The following CDKL1 variants were observed in gnomAD, a reference collection of about 807,000 sequenced individuals.
CDKL1 encodes the protein cyclin dependent kinase like 1, also known as cyclin-dependent kinase-like 1.
Under a neutral mutation model 42.0 loss-of-function variants are expected in CDKL1, and 41 were observed. The observed-to-expected ratio is 0.98, with a 90% confidence interval of 0.76 to 1.27. The LOEUF is 1.27. Ranked by LOEUF, CDKL1 falls within the 50% of genes most tolerant of loss-of-function variation. CDKL1 has a pLI of 0.00. For synonymous variants in CDKL1, 153 were observed against 158.6 expected, an observed-to-expected ratio of 0.96 and a Z score of 0.26; for missense variants, 394 against 428.4, an observed-to-expected ratio of 0.92 and a Z score of 0.71.
At chr14:50,350,200 T>C (rs2033859881) in intron 3 of CDKL1, among the ~76,000 whole-genome samples, 1 of 152,232 alleles carries the variant, frequency 6.6e-6, no homozygotes, top group African/African-American at 2.4e-5. Context: ...CATGAGCCAC[T>C]ATGCCTGGCC....
chr14:50,328,924 A>AC lies in CDKL1; in HGVS notation c.*1149_*1150insG, dbSNP rs1403309034. 2.1e-4 allele frequency: 21 copies of AC among 99,152 alleles called. No individual in the cohort carries two copies. The highest frequency in any genetic ancestry group is 8.0e-4 in the African/African-American group (21 of 26,372). The allele number at this position is 99,152 out of a possible 1,614,324, so 6.1% of individuals were successfully genotyped here. A position where few individuals can be genotyped will look rare whatever the true frequency, so the allele number is the denominator to read the frequency against. On this transcript the variant is annotated 3_prime_UTR_variant, in exon 10 of 10. Coordinates refer to ENST00000395834, the MANE Select transcript of CDKL1 (RefSeq NM_004196.7). ...GCAGGTTTTATATATATATATAAAA[A>AC]ACACATATATATATATGTGTGTGTG... is the stretch of plus-strand genomic sequence containing the variant.
chr14:50,371,489 T>C (rs1330902227), intron 2 of CDKL1, among the ~76,000 whole-genome samples: 1 of 152,258 alleles, frequency 6.6e-6, no homozygotes, highest in East Asian at 1.9e-4. Flanking sequence ...ATGTTGAGCA[T>C]TTTTCCATAT....
chr14:50,397,155 G>C (rs2035439765), upstream of CDKL1: 1 of 1,366,370 alleles, frequency 7.3e-7, no homozygotes, highest in South Asian at 1.1e-5. Context: ...TGCGGAGCAA[G>C]ACGCCTGCGC....
intron 2 of CDKL1, among the ~76,000 whole-genome samples, chr14:50,379,127 CAGGTGTG>C (rs1299704206): frequency 1.3e-5 from 2 of 152,194 alleles, no homozygotes; most frequent in Non-Finnish European, 2.9e-5. Flanking sequence ...GCTGGGATTA[CAGGTGTG>C]AGCCACAGCA....
chr14:50,383,099 T>C (rs1219690086), intron 2 of CDKL1, among the ~76,000 whole-genome samples: 8 of 152,002 alleles, frequency 5.3e-5, no homozygotes, highest in African/African-American at 1.9e-4. Flanking sequence ...GGCTAATTTT[T>C]TGTATTTTTT....
At chr14:50,338,526 C>A (rs990967616) in intron 7 of CDKL1, among the ~76,000 whole-genome samples, 1 of 152,096 alleles carries the variant, frequency 6.6e-6, no homozygotes, top group African/African-American at 2.4e-5. Context: ...AACCATTGCA[C>A]CCAGCCCAAG....
At chr14:50,392,200 C>T (rs35962626) in intron 2 of CDKL1, among the ~76,000 whole-genome samples, 31,272 of 152,174 alleles carry the variant, frequency 0.21, 3,596 homozygotes, top group East Asian at 0.42. Flanking sequence ...AATCCTAGCA[C>T]TTTGGGAGGC....
Position 50,334,551 on chromosome 14 carries a change from G to T in CDKL1, c.795+14C>A. 1 of 1,512,942 alleles carries T rather than the reference G, an allele frequency of 6.6e-7. No homozygotes were observed. The highest frequency in any genetic ancestry group is 9.2e-7 in the Non-Finnish European group (1 of 1,088,216). The allele number at this position is 1,512,942 out of a possible 1,614,324, so 93.7% of individuals were successfully genotyped here. On this transcript the variant is annotated intron_variant, in intron 8 of 9. Coordinates refer to ENST00000395834, the MANE Select transcript of CDKL1 (RefSeq NM_004196.7). ...CTGTGTGCTTCCTGGTCTGTTGGAA[G>T]CCATGATTTTTACCTTTAGGAGCCC... is the stretch of plus-strand genomic sequence containing the variant.
At chr14:50,360,396 C>CTTTT (rs1412442657) in intron 2 of CDKL1, among the ~76,000 whole-genome samples, 2 of 152,072 alleles carry the variant, frequency 1.3e-5, no homozygotes, top group Non-Finnish European at 2.9e-5. Context: ...TACCATTCCA[C>CTTTT]TTTTTATTTA....
chr14:50,396,005 T>G lies in CDKL1; in HGVS notation c.-137A>C, dbSNP rs1043869901. 7.9e-6 allele frequency: 8 copies of G among 1,007,090 alleles called. No homozygotes were observed. Among genetic ancestry groups the G allele is most frequent in the Non-Finnish European group, 1.1e-5 (8 of 702,354 alleles). The allele number at this position is 1,007,090 out of a possible 1,614,324, so 62.4% of individuals were successfully genotyped here. A position where few individuals can be genotyped will look rare whatever the true frequency, so the allele number is the denominator to read the frequency against. ...TTCGAGACCAGTCTGGCCAACATAC[T>G]GAAACTCCGTCTCTACTAAAGATAC... On this transcript the variant is annotated 5_prime_UTR_variant, in exon 2 of 10. Transcript: ENST00000395834.
chr14:50,378,476 G>A (rs377485563), intron 2 of CDKL1: 24 of 1,344,050 alleles, frequency 1.8e-5, no homozygotes, highest in African/African-American at 6.0e-5. Context: ...CTACACTGTC[G>A]CATAACTTGG....
rs1442897179 is a variant in CDKL1, at chr14:50,359,504, G to A, written c.169-355C>T. Among the ~76,000 whole-genome samples, 3 of 152,058 alleles carry A rather than the reference G, an allele frequency of 2.0e-5. No individual in the cohort carries two copies. In the East Asian group the frequency reaches 5.8e-4, roughly 29 times the overall value. ...TCTCCTCACACTGGTTCAGTGCCTTGTATGTCTAAAAGGCCCCCTGAAGTA... is the reference window on the plus strand; with the variant it reads ...TCTCCTCACACTGGTTCAGTGCCTTATATGTCTAAAAGGCCCCCTGAAGTA... On this transcript the variant is annotated intron_variant, in intron 2 of 9. Coordinates refer to ENST00000395834, the MANE Select transcript of CDKL1 (RefSeq NM_004196.7).
rs148994577 is a variant in CDKL1, at chr14:50,354,251, A to G, written c.290+4777T>C. Among the ~76,000 whole-genome samples, 181 of 152,300 alleles carry G rather than the reference A, an allele frequency of 1.2e-3. 2 individuals are homozygous for G. In the East Asian group the frequency reaches 0.025, roughly 21 times the overall value. On this transcript the variant is annotated intron_variant, in intron 3 of 9. Coordinates refer to ENST00000395834, the MANE Select transcript of CDKL1 (RefSeq NM_004196.7). Reference sequence around the variant, plus strand: ...ATTGCAGGTGTGAGCAACCACCCCCAGCCCTTCATTTCAATGTCTGTGTTG... The same window carrying G: ...ATTGCAGGTGTGAGCAACCACCCCCGGCCCTTCATTTCAATGTCTGTGTTG...
intron 9 of CDKL1, 138 bp downstream of exon 9, chr14:50,332,124 C>T (rs1219040266): frequency 6.2e-7 from 1 of 1,607,906 alleles, no homozygotes. Context: ...CCCTGGGGCC[C>T]TGGTTGATAG....
Position 50,346,650 on chromosome 14 carries a change from TG to T in CDKL1, c.291-1593del, listed in dbSNP as rs1432436606. Among the ~76,000 whole-genome samples the T allele has an allele frequency of 6.4e-4, 45 of 70,698 alleles. 4 individuals carry two copies. Among genetic ancestry groups the T allele is most frequent in the African/African-American group, 2.7e-3 (35 of 12,812 alleles). 46.4% of individuals were successfully genotyped at this position (70,698 alleles called of 152,430 possible). On this transcript the variant is annotated intron_variant, in intron 3 of 9. Transcript: ENST00000395834. Reference sequence around the variant, plus strand: ...TTGATTATTCAATAAATTAAATTTTTGGTTTTTTTTTTTTTTTTGAGATGGA... The same window carrying T: ...TTGATTATTCAATAAATTAAATTTTTGTTTTTTTTTTTTTTTTGAGATGGA...
chr14:50,335,579 C>A, intron 7 of CDKL1: 1 of 1,535,264 alleles, frequency 6.5e-7, no homozygotes. Flanking sequence ...GGGAGGAATG[C>A]CGAATGTCAG....
chr14:50,333,886 A>G (rs957019630), intron 8 of CDKL1: 2 of 146,934 alleles, frequency 1.4e-5, no homozygotes, highest in African/African-American at 5.1e-5. Context: ...TATATTTCTA[A>G]ATATATATAT....
At chr14:50,335,394 T>G in intron 7 of CDKL1, 1 of 1,240,632 alleles carries the variant, frequency 8.1e-7, no homozygotes, top group African/African-American at 1.5e-5. Flanking sequence ...GAACAGATGC[T>G]TCTTGATTTT....
chr14:50,388,925 C>G (rs1394492467), intron 2 of CDKL1, among the ~76,000 whole-genome samples: 1 of 151,628 alleles, frequency 6.6e-6, no homozygotes, highest in African/African-American at 2.4e-5. Flanking sequence ...CAGTGAAACC[C>G]TGTCTCTACT....
Sources: allele counts gnomAD v4.1 joint callset (sites outside exome capture counted in the v4.1 genomes callset), GRCh38; gene constraint gnomAD v4.1.1; transcripts MANE v1.5; gene names NCBI Gene and HGNC (gene_info 2026-07-23, HGNC 2026-07-21).